FAM178B: variants seen among roughly 807,000 people sequenced by gnomAD.
FAM178B encodes protein FAM178B.
A neutral mutation model predicts 91.7 loss-of-function variants in FAM178B; 82 were observed. That is an observed-to-expected ratio of 0.89 (90% CI 0.75 to 1.07). The LOEUF (loss-of-function observed/expected upper bound fraction) is 1.07, where lower values mean the gene tolerates loss of function less well. FAM178B is among the 50% of genes least tolerant of loss of function. FAM178B has a pLI of 0.00. For synonymous variants in FAM178B, 368 were observed against 359.4 expected (o/e 1.02, Z -0.27); for missense variants, 769 against 846.7 (o/e 0.91, Z 1.14).
intron 8 of FAM178B, among the ~76,000 whole-genome samples, chr2:96,941,765 A>G (rs1365416892): frequency 6.6e-6 from 1 of 152,254 alleles, no homozygotes; most frequent in East Asian, 1.9e-4. Context: ...TCTTGGAAGC[A>G]AATGGAAAAG....
At chr2:96,912,916 GC>G (rs1424560889) in intron 12 of FAM178B, among the ~76,000 whole-genome samples, 1 of 152,208 alleles carries the variant, frequency 6.6e-6, no homozygotes, top group Admixed American at 6.5e-5. Flanking sequence ...AATCCAACCT[GC>G]CCGAGGGTGG....
At chr2:96,889,286 C>G (rs1341263795) in intron 14 of FAM178B, among the ~76,000 whole-genome samples, 2 of 152,204 alleles carry the variant, frequency 1.3e-5, no homozygotes, top group Non-Finnish European at 2.9e-5. Flanking sequence ...CCAAATTTAA[C>G]CAACCGGGAG....
At chr2:96,968,355 T>C (rs1212997527) in intron 4 of FAM178B, among the ~76,000 whole-genome samples, 3 of 152,076 alleles carry the variant, frequency 2.0e-5, no homozygotes, top group African/African-American at 7.2e-5. Context: ...ACCTGTTACC[T>C]TGCCAGAGCC....
At position 96,970,769 on chromosome 2, in the gene FAM178B, C is replaced by G. The variant is rs1434297394; in HGVS notation, c.573G>C (p.Trp191Cys). ...TGTTGAAGTAGCTTCCTGAGCCCCCCCAGGAAAACTGGAGAAACAGGACAT... is the reference window on the plus strand; with the variant it reads ...TGTTGAAGTAGCTTCCTGAGCCCCCGCAGGAAAACTGGAGAAACAGGACAT... ...SQQAAAPEFS[W>C]GGSGSYFNNL... Residue 191 changes from tryptophan to cysteine, a missense_variant, in exon 4 of 17, where the codon TGG becomes TGC. Coordinates refer to ENST00000490605, the MANE Select transcript of FAM178B (RefSeq NM_001122646.3). 5.8e-6 allele frequency: 9 copies of G among 1,550,812 alleles called. No individual in the cohort carries two copies. Among genetic ancestry groups the G allele is most frequent in the Admixed American group, 3.9e-5 (2 of 50,970 alleles).
At chr2:96,908,547 A>T (rs531950036) in intron 12 of FAM178B, among the ~76,000 whole-genome samples, 1 of 152,206 alleles carries the variant, frequency 6.6e-6, no homozygotes, top group East Asian at 1.9e-4. Flanking sequence ...AAAACCAACC[A>T]ACCAACAAAA....
chr2:96,925,138 G>A (rs916457837), intron 9 of FAM178B, among the ~76,000 whole-genome samples: 1 of 152,174 alleles, frequency 6.6e-6, no homozygotes, highest in Non-Finnish European at 1.5e-5. Context: ...TACCAGCCTT[G>A]AGCGTGCAAC....
At chr2:96,883,358 C>G (rs2080436198) in intron 14 of FAM178B, among the ~76,000 whole-genome samples, 1 of 152,252 alleles carries the variant, frequency 6.6e-6, no homozygotes, top group Non-Finnish European at 1.5e-5. Flanking sequence ...GGGCTGTGGC[C>G]TGGGCTATTT....
intron 8 of FAM178B, among the ~76,000 whole-genome samples, chr2:96,936,036 A>G (rs1419978145): frequency 6.6e-6 from 1 of 152,060 alleles, no homozygotes; most frequent in Non-Finnish European, 1.5e-5. Flanking sequence ...ACACTAACAT[A>G]TGATGTAAAT....
intron 12 of FAM178B, among the ~76,000 whole-genome samples, chr2:96,905,860 ATTTTTTTTTTTTTTT>A (rs1161397180): frequency 6.0e-4 from 14 of 23,262 alleles, no homozygotes; most frequent in African/African-American, 2.9e-3. Flanking sequence ...ATATATATAT[ATTTTTTTTTTTTTTT>A]TTTTTTTTTT....
chr2:96,902,989 G>A (rs190814035), intron 12 of FAM178B, among the ~76,000 whole-genome samples: 26 of 152,312 alleles, frequency 1.7e-4, no homozygotes, highest in Admixed American at 3.9e-4. Flanking sequence ...CCCCTCTGCC[G>A]ATACATATCC....
rs997941019 is a variant in FAM178B at position 96,960,454 on chromosome 2, G to A, written c.735-14C>T. 15 of 1,527,854 alleles carry A rather than the reference G, an allele frequency of 9.8e-6. No individual in the cohort carries two copies. In the African/African-American group the frequency reaches 1.9e-4, roughly 20 times the overall value. 94.6% of individuals were successfully genotyped at this position (1,527,854 alleles called of 1,614,324 possible). A position where few individuals can be genotyped will look rare whatever the true frequency, so the allele number is the denominator to read the frequency against. On this transcript the variant is annotated splice_polypyrimidine_tract_variant and intron_variant, in intron 5 of 16. Transcript: ENST00000490605. ...TCCACCAGCATCCTGGCAAGGCAAG[G>A]GGCAGGAGGGCCGGGCATCAGCAGA... is the stretch of plus-strand genomic sequence containing the variant.
chr2:96,893,220 G>A (rs535079003), intron 14 of FAM178B, among the ~76,000 whole-genome samples: 22 of 152,076 alleles, frequency 1.4e-4, no homozygotes, highest in Admixed American at 7.2e-4. Context: ...AGAGTACATC[G>A]AGGTTTAAGC....
chr2:96,901,887 C>T (rs376595059), intron 13 of FAM178B, among the ~76,000 whole-genome samples: 3 of 151,684 alleles, frequency 2.0e-5, no homozygotes, highest in East Asian at 3.8e-4. Context: ...CAACCTCTGC[C>T]TCCTGGGTTC....
chr2:96,913,726 G>A (rs1197611658), intron 12 of FAM178B, among the ~76,000 whole-genome samples: 2 of 152,198 alleles, frequency 1.3e-5, no homozygotes, highest in Non-Finnish European at 2.9e-5. Context: ...AGGATCCTGG[G>A]GTGCTCCAGA....
intron 9 of FAM178B, among the ~76,000 whole-genome samples, chr2:96,924,131 T>C (rs1446518074): frequency 6.6e-6 from 1 of 152,226 alleles, no homozygotes; most frequent in Non-Finnish European, 1.5e-5. Context: ...CCTTGGGGAC[T>C]GGCTCCCACA....
chr2:96,960,255 C>T (rs757956783), intron 6 of FAM178B, 33 bp downstream of exon 6: 44 of 1,549,314 alleles, frequency 2.8e-5, no homozygotes, highest in Middle Eastern at 3.7e-4. Context: ...GGACAGGCTG[C>T]GCCACCCCCT....
At chr2:96,908,610 G>C (rs1247641038) in intron 12 of FAM178B, among the ~76,000 whole-genome samples, 1 of 152,170 alleles carries the variant, frequency 6.6e-6, no homozygotes, top group Non-Finnish European at 1.5e-5. Context: ...ACCTCTGCAG[G>C]AGGGAACGCC....
chr2:96,928,367 A>G (rs2081482129), intron 9 of FAM178B, among the ~76,000 whole-genome samples: 1 of 152,152 alleles, frequency 6.6e-6, no homozygotes, highest in African/African-American at 2.4e-5. Context: ...ACCTTAAGCT[A>G]AGTCGCCATC....
chr2:96,888,295 G>A (rs375495618), intron 14 of FAM178B, among the ~76,000 whole-genome samples: 3 of 152,214 alleles, frequency 2.0e-5, no homozygotes, highest in African/African-American at 4.8e-5. Context: ...AAAACCAGTC[G>A]GTTTCCTCCC....
Sources: allele counts gnomAD v4.1 joint callset (sites outside exome capture counted in the v4.1 genomes callset), GRCh38; gene constraint gnomAD v4.1.1; transcripts MANE v1.5; gene names NCBI Gene and HGNC (gene_info 2026-07-23, HGNC 2026-07-21).